HYDIN: variants seen among roughly 807,000 people sequenced by gnomAD.
HYDIN encodes HYDIN axonemal central pair apparatus protein, also known as axonemal central pair apparatus protein HYDIN.
Under a neutral mutation model 403.9 loss-of-function variants are expected in HYDIN, and 132 were observed. The ratio of observed to expected loss-of-function variants is 0.33; its 90% CI spans 0.28 to 0.38. The LOEUF is 0.38. Ranked by LOEUF, HYDIN falls within the 10% of genes least tolerant of loss-of-function variation. The pLI is 1.00. For synonymous variants in HYDIN, 1,202 were observed against 1,891.7 expected (o/e 0.64, Z 9.46); for missense variants, 2,827 against 5,009.5 (o/e 0.56, Z 13.15).
At chr16:70,808,256 A>G (rs972849110) in intron 85 of HYDIN, among the ~76,000 whole-genome samples, 194 bp from the exon 86 acceptor site, 2 of 152,204 alleles carry the variant, frequency 1.3e-5, no homozygotes, top group African/African-American at 2.4e-5. Context: ...ATTTTGCTAC[A>G]AAGAAACAAA....
chr16:70,903,019 T>C (rs2076439120), intron 52 of HYDIN, among the ~76,000 whole-genome samples: 1 of 140,198 alleles, frequency 7.1e-6, no homozygotes, highest in African/African-American at 2.8e-5. Flanking sequence ...TGTAGTGGCA[T>C]GATCATGACT....
chr16:71,050,044 G>GT (rs2081585787), intron 18 of HYDIN, among the ~76,000 whole-genome samples: 2 of 146,814 alleles, frequency 1.4e-5, no homozygotes, highest in African/African-American at 5.2e-5. Flanking sequence ...GTGTGTGTGT[G>GT]GGTGTGTGTG....
At chr16:71,180,310 G>T (rs1028269680) in intron 3 of HYDIN, among the ~76,000 whole-genome samples, 2 of 151,854 alleles carry the variant, frequency 1.3e-5, no homozygotes, top group African/African-American at 4.8e-5. Context: ...TATCAAAACT[G>T]GCACAAGAAG....
chr16:70,838,617 C>T (rs1226686087), intron 76 of HYDIN, among the ~76,000 whole-genome samples: 1 of 152,100 alleles, frequency 6.6e-6, no homozygotes, highest in Non-Finnish European at 1.5e-5. Flanking sequence ...GTTCTAGAGT[C>T]AGGCAGAGAG....
intron 76 of HYDIN, among the ~76,000 whole-genome samples, chr16:70,838,549 A>G (rs1597088649): frequency 6.6e-6 from 1 of 152,092 alleles, no homozygotes; most frequent in Non-Finnish European, 1.5e-5. Context: ...ACCCTCTCAT[A>G]AGAAGGAAGT....
chr16:70,943,215 T>A lies in HYDIN; in HGVS notation c.6669+597A>T, dbSNP rs575854287. Among the ~76,000 whole-genome samples the A allele has an allele frequency of 1.1e-4, 16 of 152,268 alleles. No homozygotes were observed. The South Asian group carries it at 3.3e-3, about 32-fold the overall frequency. ...ATTTTCTTGTCTTTAACTGTAGAAT[T>A]CTTATGGAAAAAAAATTAAAAATTA... On this transcript the variant is annotated intron_variant, in intron 42 of 85. Coordinates refer to ENST00000393567, the MANE Select transcript of HYDIN (RefSeq NM_001270974.2).
chr16:71,177,670 C>A (rs747624891), intron 4 of HYDIN, among the ~76,000 whole-genome samples: 35 of 152,154 alleles, frequency 2.3e-4, no homozygotes, highest in Non-Finnish European at 5.1e-4. Context: ...TGTCTTATAG[C>A]TAGAATTTTT....
In HYDIN at chr16:71,064,775, T is replaced by C; in HGVS notation, c.2141A>G (p.Tyr714Cys). ...AAGCTGGAGTGTTTTCTCATACGGG[T>C]ACTTCAGGAAGCAGTGCCCAAAGTC... ...EVDFGHCFLK[Y>C]PYEKTLQLAN... Residue 714 changes from tyrosine to cysteine, a missense_variant, in exon 16 of 86, where the codon TAC becomes TGC. By Grantham distance (194) the Tyr-to-Cys change is radical. Coordinates refer to ENST00000393567, the MANE Select transcript of HYDIN (RefSeq NM_001270974.2). 1 of 1,613,958 alleles carries C rather than the reference T, an allele frequency of 6.2e-7. No individual in the cohort carries two copies. The highest frequency in any genetic ancestry group is 8.5e-7 in the Non-Finnish European group (1 of 1,179,958).
chr16:71,222,200 G>A (rs552317502), intron 1 of HYDIN, among the ~76,000 whole-genome samples: 3 of 152,156 alleles, frequency 2.0e-5, no homozygotes, highest in African/African-American at 7.2e-5. Flanking sequence ...GTCAATAAAT[G>A]TGATATATCA....
intron 83 of HYDIN, among the ~76,000 whole-genome samples, chr16:70,820,187 CTTTTTTT>C (rs57769826): frequency 9.8e-5 from 9 of 91,844 alleles, no homozygotes; most frequent in East Asian, 3.4e-4. Context: ...TTTCTTTTTT[CTTTTTTT>C]TTTTTTTTTT....
At chr16:71,112,533 G>A (rs182627804) in intron 10 of HYDIN, among the ~76,000 whole-genome samples, 1 of 152,228 alleles carries the variant, frequency 6.6e-6, no homozygotes, top group Admixed American at 6.5e-5. Context: ...AAAAGAGTCA[G>A]TTAAGAAGTA....
intron 28 of HYDIN, 36 bp from the exon 29 acceptor site, chr16:70,981,604 T>A: frequency 1.2e-6 from 2 of 1,600,780 alleles, no homozygotes; most frequent in Non-Finnish European, 1.7e-6. Context: ...GGAAAACGAA[T>A]GTGCTACAGT....
At chr16:70,981,788 A>G (rs1458867599) in intron 28 of HYDIN, among the ~76,000 whole-genome samples, 3 of 152,174 alleles carry the variant, frequency 2.0e-5, no homozygotes, top group African/African-American at 7.2e-5. Context: ...CAAAACTGGC[A>G]AGACTGATTA....
chr16:70,847,687 A>C (rs1389773006), intron 75 of HYDIN, among the ~76,000 whole-genome samples: 4 of 151,852 alleles, frequency 2.6e-5, no homozygotes, highest in African/African-American at 9.7e-5. Flanking sequence ...TCTAATGAGA[A>C]ACCAGCCATT....
intron 10 of HYDIN, among the ~76,000 whole-genome samples, chr16:71,105,522 T>C (rs1439212409): frequency 9.2e-6 from 1 of 108,206 alleles, no homozygotes; most frequent in African/African-American, 3.6e-5. Flanking sequence ...TCAGAAGCCC[T>C]GAATTGTCTT....
intron 9 of HYDIN, among the ~76,000 whole-genome samples, chr16:71,126,838 A>T (rs1006554738): frequency 1.3e-5 from 2 of 152,056 alleles, no homozygotes; most frequent in Non-Finnish European, 2.9e-5. Context: ...TTCTTCTAAA[A>T]ATCCTTTCCC....
chr16:70,995,466 G>A (rs1169914483), intron 23 of HYDIN, among the ~76,000 whole-genome samples: 2 of 152,174 alleles, frequency 1.3e-5, no homozygotes, highest in East Asian at 1.9e-4. Flanking sequence ...TTTGGGGGCA[G>A]TGGTTTCCCT....
intron 15 of HYDIN, chr16:71,067,045 T>A: frequency 1.6e-6 from 1 of 619,432 alleles, no homozygotes; most frequent in Non-Finnish European, 2.9e-6. Flanking sequence ...TGACCCGTTT[T>A]TTCACTATTC....
At chr16:70,851,310 A>G (rs1400855992) in intron 73 of HYDIN, among the ~76,000 whole-genome samples, 1 of 151,432 alleles carries the variant, frequency 6.6e-6, no homozygotes, top group African/African-American at 2.4e-5. Context: ...GGGAGGAATT[A>G]TTCAGAAACT....
Sources: allele counts gnomAD v4.1 joint callset (sites outside exome capture counted in the v4.1 genomes callset), GRCh38; gene constraint gnomAD v4.1.1; transcripts MANE v1.5; gene names NCBI Gene and HGNC (gene_info 2026-07-23, HGNC 2026-07-21).